ROBO2: variants seen among roughly 807,000 people sequenced by gnomAD.
The protein encoded by ROBO2 is roundabout guidance receptor 2.
ROBO2 carries 53 observed loss-of-function variants against 160.8 expected under a neutral mutation model. The ratio of observed to expected loss-of-function variants is 0.33; its 90% confidence interval spans 0.26 to 0.41. ROBO2 has a LOEUF of 0.41. ROBO2 is among the 10% of genes least tolerant of loss of function. The probability of loss-of-function intolerance (pLI) is 1.00; values close to 1 mark genes in which losing one functional copy is unlikely to be tolerated. For missense variants in ROBO2, 1,577 were observed against 1,722.4 expected (o/e 0.92, Z 1.49); for synonymous variants, 664 against 611.7 (o/e 1.09, Z -1.26).
At chr3:76,206,407 TATTA>T (rs1303174929) in intron 2 of ROBO2, among the ~76,000 whole-genome samples, 4 of 152,336 alleles carry the variant, frequency 2.6e-5, no homozygotes, top group Middle Eastern at 3.4e-3. Flanking sequence ...CTAATTAATG[TATTA>T]ATTATCATAA....
intron 2 of ROBO2, among the ~76,000 whole-genome samples, chr3:77,379,253 T>C (rs924769366): frequency 6.6e-6 from 1 of 152,206 alleles, no homozygotes. Context: ...GCAACTTCTG[T>C]ATCTTTTTAC....
rs58091252 is a variant in ROBO2 at position 76,524,826 on chromosome 3, T to TAAAAAAAAAAAAAA, written c.110-573161_110-573148dup. Among the ~76,000 whole-genome samples the TAAAAAAAAAAAAAA allele has an allele frequency of 2.8e-4, 6 of 21,740 alleles. 1 individual carries two copies. The highest frequency in any genetic ancestry group is 1.3e-3 in the East Asian group (1 of 776). The allele number at this position is 21,740 out of a possible 152,430, so 14.3% of individuals were successfully genotyped here. A position where few individuals can be genotyped will look rare whatever the true frequency, so the allele number is the denominator to read the frequency against. ...TAAAAACCTATGACCCTCTTATTCC[T>TAAAAAAAAAAAAAA]AAAAAAAAAAAAAAAAAAAAAAAAA... On this transcript the variant is annotated intron_variant, in intron 2 of 26. Transcript: ENST00000487694.
At chr3:77,594,491 A>G (rs1428530946) in intron 17 of ROBO2, among the ~76,000 whole-genome samples, 5 of 152,196 alleles carry the variant, frequency 3.3e-5, no homozygotes, top group Admixed American at 2.6e-4. Context: ...TTCCATAGTT[A>G]CATGGAGGAT....
intron 1 of ROBO2, 96 bp from the exon 2 acceptor site, chr3:77,097,918 T>C: frequency 5.7e-6 from 6 of 1,055,858 alleles, no homozygotes; most frequent in Non-Finnish European, 6.7e-6. Flanking sequence ...AGTTGGATAA[T>C]CGAAGAGTTT....
intron 2 of ROBO2, among the ~76,000 whole-genome samples, chr3:76,635,565 C>A (rs906929492): frequency 7.2e-5 from 11 of 152,166 alleles, no homozygotes; most frequent in African/African-American, 2.7e-4. Context: ...GTTTCTTACT[C>A]ACCAGCTCTA....
Position 76,229,524 on chromosome 3 carries a change from C to T in ROBO2, c.109+291922C>T, listed in dbSNP as rs546950223. Among the ~76,000 whole-genome samples the T allele has an allele frequency of 3.3e-5, 5 of 152,082 alleles. 1 individual carries two copies. The highest frequency in any genetic ancestry group is 2.1e-4 in the South Asian group (1 of 4,824). ...AGTTTCTTCAGCCTACTCAATTATT[C>T]TTAATGTGAATCAAATGAAAGAGTT... On this transcript the variant is annotated intron_variant, in intron 2 of 26. Transcript: ENST00000487694.
chr3:76,217,173 T>G (rs6549847), intron 2 of ROBO2, among the ~76,000 whole-genome samples: 148,381 of 152,148 alleles, frequency 0.98, 72,465 homozygotes, highest in East Asian at 1. Flanking sequence ...AGTGTGTAGA[T>G]GGAAATTTGT....
intron 2 of ROBO2, among the ~76,000 whole-genome samples, chr3:77,003,817 T>G (rs1250313601): frequency 2.6e-5 from 4 of 152,118 alleles, no homozygotes; most frequent in African/African-American, 7.2e-5. Flanking sequence ...AGTTCTGGGA[T>G]TACTGGTGTG....
intron 2 of ROBO2, among the ~76,000 whole-genome samples, chr3:76,331,712 G>A (rs950668087): frequency 7.6e-5 from 11 of 145,186 alleles, no homozygotes; most frequent in Middle Eastern, 3.7e-3. Context: ...TTTTCGAGAC[G>A]TAATCTCACT....
At chr3:76,212,303 C>T (rs1373507488) in intron 2 of ROBO2, among the ~76,000 whole-genome samples, 3 of 151,742 alleles carry the variant, frequency 2.0e-5, no homozygotes. Flanking sequence ...ATGGAGAAGA[C>T]AGATTAGAAG....
In ROBO2 at chr3:76,713,668, A is replaced by G. The variant is rs558707992; in HGVS notation, c.110-384346A>G. Among the ~76,000 whole-genome samples the G allele has an allele frequency of 3.3e-5, 5 of 152,314 alleles. No individual in the cohort carries two copies. The East Asian group carries it at 7.7e-4, about 24-fold the overall frequency. On this transcript the variant is annotated intron_variant, in intron 2 of 26. Transcript: ENST00000487694. Reference sequence around the variant, plus strand: ...GTTTTTCTTGCATTAACTTGTTTGAACAAGAAAATTACCTCTTTGCTTTAC... The same window carrying G: ...GTTTTTCTTGCATTAACTTGTTTGAGCAAGAAAATTACCTCTTTGCTTTAC...
At chr3:76,739,197 A>G (rs1313094645) in intron 2 of ROBO2, among the ~76,000 whole-genome samples, 2 of 152,186 alleles carry the variant, frequency 1.3e-5, no homozygotes, top group East Asian at 3.8e-4. Context: ...TTATTGCGGC[A>G]CTATTCACGA....
At chr3:77,618,461 C>G (rs887482155) in intron 22 of ROBO2, among the ~76,000 whole-genome samples, 1 of 152,138 alleles carries the variant, frequency 6.6e-6, no homozygotes, top group Non-Finnish European at 1.5e-5. Flanking sequence ...CTAACGCTAA[C>G]AGTTTTATAC....
chr3:76,379,107 T>C (rs993550948), intron 2 of ROBO2, among the ~76,000 whole-genome samples: 1 of 152,132 alleles, frequency 6.6e-6, no homozygotes, highest in Non-Finnish European at 1.5e-5. Flanking sequence ...GAGCAGACAT[T>C]AACAAATGAA....
chr3:76,917,257 A>G (rs763676446), intron 2 of ROBO2, among the ~76,000 whole-genome samples: 10 of 152,150 alleles, frequency 6.6e-5, no homozygotes, highest in Non-Finnish European at 4.4e-5. Flanking sequence ...ATGCACTAGG[A>G]TCATTGCTAT....
At chr3:76,402,716 T>C (rs1476824748) in intron 2 of ROBO2, among the ~76,000 whole-genome samples, 2 of 151,496 alleles carry the variant, frequency 1.3e-5, no homozygotes, top group Non-Finnish European at 3.0e-5. Flanking sequence ...CTGCAACACT[T>C]CTATTCTCTT....
At chr3:76,102,271 G>T (rs1409022207) in intron 2 of ROBO2, among the ~76,000 whole-genome samples, 1 of 152,134 alleles carries the variant, frequency 6.6e-6, no homozygotes, top group Non-Finnish European at 1.5e-5. Flanking sequence ...TACATATATT[G>T]GTTGCATTTT....
At chr3:77,018,667 C>A (rs1202748545) in intron 2 of ROBO2, among the ~76,000 whole-genome samples, 2 of 152,050 alleles carry the variant, frequency 1.3e-5, no homozygotes, top group Non-Finnish European at 2.9e-5. Flanking sequence ...ACCTGTTTGA[C>A]CTTTTATGAT....
chr3:76,329,548 A>G (rs985744328), intron 2 of ROBO2, among the ~76,000 whole-genome samples: 8 of 152,180 alleles, frequency 5.3e-5, no homozygotes, highest in African/African-American at 1.9e-4. Context: ...CGGGATACTT[A>G]GAATTTCCTT....
Sources: allele counts gnomAD v4.1 joint callset (sites outside exome capture counted in the v4.1 genomes callset), GRCh38; gene constraint gnomAD v4.1.1; transcripts MANE v1.5; gene names NCBI Gene and HGNC (gene_info 2026-07-23, HGNC 2026-07-21).